The following AR variants were observed in gnomAD, a reference collection of about 807,000 sequenced individuals.
AR encodes dihydrotestosterone receptor.
AR carries 8 observed loss-of-function variants against 53.9 expected under a neutral mutation model. That is an observed-to-expected ratio of 0.15 (90% confidence interval 0.09 to 0.27). The LOEUF (loss-of-function observed/expected upper bound fraction) is 0.27. Among genes scored for constraint, AR ranks in the 10% least tolerant of loss-of-function variants. The probability of loss-of-function intolerance (pLI) is 1.00; values close to 1 mark genes in which losing one functional copy is unlikely to be tolerated. For missense variants in AR, 639 were observed against 742.5 expected, an observed-to-expected ratio of 0.86 and a Z score of 1.62; for synonymous variants, 359 against 316.4, an observed-to-expected ratio of 1.13 and a Z score of -1.43.
intron 1 of AR, among the ~76,000 whole-genome samples, chrX:67,560,584 T>C (rs1232785833): frequency 8.9e-6 from 1 of 111,819 alleles, no homozygotes; most frequent in Non-Finnish European, 1.9e-5. Context: ...CCCCATTGGC[T>C]TATGGGTTAA....
rs549683762 is a variant in AR at position 67,722,216 on chromosome X, G to C, written c.2449+253G>C. ...CCCCACCTATCCCCAGTCTGTCTTTGGGACAAGGCCTTTTTGACTGGTTAC... is the reference window on the plus strand; with the variant it reads ...CCCCACCTATCCCCAGTCTGTCTTTCGGACAAGGCCTTTTTGACTGGTTAC... On this transcript the variant is annotated intron_variant, in intron 6 of 7. Coordinates refer to ENST00000374690, the MANE Select transcript of AR (RefSeq NM_000044.6). The C allele has an allele frequency of 8.2e-6, 3 of 367,169 alleles. No individual in the cohort carries two copies. The South Asian group carries it at 1.1e-4, about 14-fold the overall frequency. 30.3% of individuals were successfully genotyped at this position (367,169 alleles called of 1,213,427 possible).
In AR at chrX:67,681,447, G is replaced by C. The variant is rs185613833; in HGVS notation, c.1769-4563G>C. Among the ~76,000 whole-genome samples the C allele has an allele frequency of 4.5e-5, 5 of 112,126 alleles. No individual in the cohort carries two copies. In the East Asian group the frequency reaches 1.4e-3, roughly 32 times the overall value. ...CCACACTCAGAACGCTTTGTCTTCA[G>C]ACTATAATCACCCACACCATATTTC... On this transcript the variant is annotated intron_variant, in intron 2 of 7. Coordinates refer to ENST00000374690, the MANE Select transcript of AR (RefSeq NM_000044.6).
chrX:67,650,743 T>G (rs147951101), intron 2 of AR, among the ~76,000 whole-genome samples: 3,024 of 111,780 alleles, frequency 0.027, 44 homozygotes, highest in Non-Finnish European at 0.041. Context: ...AAAATTGAAC[T>G]GAGATTTGGA....
intron 1 of AR, among the ~76,000 whole-genome samples, chrX:67,582,609 C>T (rs766179905): frequency 3.6e-5 from 4 of 111,444 alleles, no homozygotes; most frequent in South Asian, 3.8e-4. Flanking sequence ...GTCTATTACA[C>T]GAAACTAAAG....
intron 2 of AR, among the ~76,000 whole-genome samples, chrX:67,679,358 C>A (rs1429024525): frequency 1.8e-5 from 2 of 111,651 alleles, no homozygotes; most frequent in Non-Finnish European, 3.8e-5. Context: ...TCACTAATAA[C>A]TGCAAAACAT....
intron 1 of AR, among the ~76,000 whole-genome samples, chrX:67,586,142 G>T (rs1922534708): frequency 9.0e-6 from 1 of 111,590 alleles, no homozygotes; most frequent in Non-Finnish European, 1.9e-5. Context: ...AGTGTGTGGA[G>T]ATAGATATTT....
chrX:67,572,416 G>A (rs1467909168), intron 1 of AR, among the ~76,000 whole-genome samples: 1 of 111,312 alleles, frequency 9.0e-6, no homozygotes. Flanking sequence ...ATGACCTCAG[G>A]GGTGTAGTGA....
intron 3 of AR, among the ~76,000 whole-genome samples, chrX:67,687,003 A>T (rs771821170): frequency 8.9e-6 from 1 of 111,838 alleles, no homozygotes; most frequent in African/African-American, 3.3e-5. Context: ...TGTGTCTTTC[A>T]TGAGAAAAAC....
intron 1 of AR, among the ~76,000 whole-genome samples, chrX:67,574,989 C>T (rs1274163529): frequency 9.0e-6 from 1 of 111,209 alleles, no homozygotes; most frequent in African/African-American, 3.3e-5. Context: ...GGGGGGATGA[C>T]TTCTAACTAG....
At chrX:67,582,463 G>T (rs1198022994) in intron 1 of AR, among the ~76,000 whole-genome samples, 1 of 111,981 alleles carries the variant, frequency 8.9e-6, no homozygotes, top group Non-Finnish European at 1.9e-5. Flanking sequence ...GATGTTTGAT[G>T]TGTGTTGGCT....
At chrX:67,621,384 A>G (rs1039883322) in intron 1 of AR, among the ~76,000 whole-genome samples, 7 of 111,293 alleles carry the variant, frequency 6.3e-5, no homozygotes, top group Non-Finnish European at 1.3e-4. Context: ...TTATACTTTA[A>G]GTTCTGGGAT....
intron 5 of AR, among the ~76,000 whole-genome samples, chrX:67,721,317 G>T (rs2076134762): frequency 8.9e-6 from 1 of 112,214 alleles, no homozygotes; most frequent in Non-Finnish European, 1.9e-5. Flanking sequence ...CAGGCCAGAG[G>T]CAAAGGGGTC....
intron 1 of AR, among the ~76,000 whole-genome samples, chrX:67,600,810 C>T (rs1217137759): frequency 9.1e-6 from 1 of 109,476 alleles, no homozygotes; most frequent in Admixed American, 9.8e-5. Flanking sequence ...TTTCATATAC[C>T]CCATAAATAT....
chrX:67,676,626 T>G (rs1449309840), intron 2 of AR, among the ~76,000 whole-genome samples: 2 of 111,325 alleles, frequency 1.8e-5, no homozygotes, highest in Non-Finnish European at 3.8e-5. Context: ...TAAAACTTGC[T>G]CCAGGAGCAA....
intron 1 of AR, among the ~76,000 whole-genome samples, chrX:67,627,056 G>C (rs1213122934): frequency 9.3e-6 from 1 of 108,028 alleles, no homozygotes; most frequent in African/African-American, 3.4e-5. Context: ...TTGGTTCCAA[G>C]TCTTTGCTAT....
chrX:67,651,107 C>T (rs1320654154), intron 2 of AR, among the ~76,000 whole-genome samples: 1 of 108,505 alleles, frequency 9.2e-6, no homozygotes, highest in Non-Finnish European at 1.9e-5. Flanking sequence ...GTGGCACGAT[C>T]TCGGCTCACT....
rs1053793435 is a variant in AR, at chrX:67,730,329, T to G, written c.*6488T>G. The G allele has an allele frequency of 2.3e-5, 4 of 173,898 alleles. No individual in the cohort carries two copies. Among genetic ancestry groups the G allele is most frequent in the Non-Finnish European group, 4.4e-5 (4 of 91,277 alleles). The allele number at this position is 173,898 out of a possible 1,213,427, so 14.3% of individuals were successfully genotyped here. On this transcript the variant is annotated 3_prime_UTR_variant, in exon 8 of 8. Coordinates refer to ENST00000374690, the MANE Select transcript of AR (RefSeq NM_000044.6). ...CCAGCTCCAAGCGCTAGTGTTCTGT[T>G]CTCTTTTTGTAATCTTGGAATCTTT...
rs112365491 is a variant in AR, at chrX:67,659,813, A to C, written c.1768+16406A>C. Among the ~76,000 whole-genome samples the C allele has an allele frequency of 2.9e-3, 327 of 111,844 alleles. 1 individual carries two copies. The highest frequency in any genetic ancestry group is 0.01 in the African/African-American group (309 of 30,783). On this transcript the variant is annotated intron_variant, in intron 2 of 7. Coordinates refer to ENST00000374690, the MANE Select transcript of AR (RefSeq NM_000044.6). ...GCCACACTGACTTCCACAATGGTTC[A>C]ACTAGTTTACAGTCCCACCAACAGT...
intron 7 of AR, 125 bp from the exon 8 acceptor site, chrX:67,723,561 A>G (rs1006276348): frequency 3.8e-5 from 28 of 729,741 alleles, no homozygotes; most frequent in Non-Finnish European, 5.2e-5. Flanking sequence ...GGGAGGACCA[A>G]GGAAGTACGG....
Sources: gnomAD v4.1 joint callset for allele counts (sites outside exome capture counted in the v4.1 genomes callset) on GRCh38, gnomAD v4.1.1 for gene constraint, MANE v1.5 for transcripts, NCBI Gene and HGNC (gene_info 2026-07-23, HGNC 2026-07-21) for gene names.